Variants in PLCL1 observed in about 807,000 individuals in gnomAD.
PLCL1 encodes the protein phospholipase C like 1 (inactive).
A neutral mutation model predicts 84.4 loss-of-function variants in PLCL1; 41 were observed. The ratio of observed to expected loss-of-function variants is 0.49; its 90% CI spans 0.38 to 0.63. The LOEUF (loss-of-function observed/expected upper bound fraction) is 0.63. Ranked by LOEUF, PLCL1 falls within the 30% of genes least tolerant of loss-of-function variation. The pLI is 0.00. For synonymous variants in PLCL1, 490 were observed against 488.3 expected (o/e 1.00, Z -0.05); for missense variants, 1,206 against 1,367.8 (o/e 0.88, Z 1.87).
chr2:198,070,030 G>A (rs1340131742), intron 1 of PLCL1, among the ~76,000 whole-genome samples: 1 of 152,132 alleles, frequency 6.6e-6, no homozygotes, highest in African/African-American at 2.4e-5. Flanking sequence ...CAAATTTGTA[G>A]TTACATATCT....
intron 1 of PLCL1, among the ~76,000 whole-genome samples, chr2:197,955,223 T>A (rs1173990611): frequency 6.6e-6 from 1 of 151,914 alleles, no homozygotes; most frequent in Non-Finnish European, 1.5e-5. Flanking sequence ...ATCAGATAGA[T>A]CAAACCCAGA....
At chr2:197,861,309 C>G (rs1687430593) in intron 1 of PLCL1, among the ~76,000 whole-genome samples, 1 of 152,158 alleles carries the variant, frequency 6.6e-6, no homozygotes, top group Admixed American at 6.5e-5. Context: ...GGATAAGCTT[C>G]CAGATAGCTG....
At chr2:197,806,865 T>A (rs916171997) in intron 1 of PLCL1, among the ~76,000 whole-genome samples, 3 of 152,128 alleles carry the variant, frequency 2.0e-5, no homozygotes, top group Admixed American at 2.0e-4. Context: ...AAAACAAAAG[T>A]AATGGAGTAT....
intron 1 of PLCL1, among the ~76,000 whole-genome samples, chr2:198,076,069 T>C (rs1692570241): frequency 1.3e-5 from 2 of 152,208 alleles, no homozygotes; most frequent in Admixed American, 1.3e-4. Flanking sequence ...TCTTAATGAG[T>C]TCTAATGAGC....
chr2:198,014,187 G>A (rs1690937102), intron 1 of PLCL1, among the ~76,000 whole-genome samples: 1 of 152,142 alleles, frequency 6.6e-6, no homozygotes, highest in African/African-American at 2.4e-5. Context: ...ATGAGGACAT[G>A]CTCTGCCTTA....
intron 1 of PLCL1, among the ~76,000 whole-genome samples, chr2:197,897,450 A>G (rs1034698590): frequency 6.6e-6 from 1 of 152,100 alleles, no homozygotes; most frequent in Non-Finnish European, 1.5e-5. Context: ...TACCTGCTCT[A>G]CCAACTAATA....
intron 5 of PLCL1, among the ~76,000 whole-genome samples, chr2:198,133,821 ATG>A (rs1395986788): frequency 6.6e-6 from 1 of 152,142 alleles, no homozygotes. Flanking sequence ...CTAGTAATTA[ATG>A]TGTGTTTGGA....
chr2:198,119,007 T>G (rs909924049), intron 5 of PLCL1, among the ~76,000 whole-genome samples: 4 of 152,018 alleles, frequency 2.6e-5, no homozygotes, highest in Non-Finnish European at 1.5e-5. Context: ...CTATTGTTAT[T>G]TGTGTATTGA....
chr2:197,897,632 C>T (rs1482438622), intron 1 of PLCL1, among the ~76,000 whole-genome samples: 1 of 152,008 alleles, frequency 6.6e-6, no homozygotes, highest in Non-Finnish European at 1.5e-5. Context: ...TGTTAATGAA[C>T]ATTTTTAATG....
Position 197,805,014 on chromosome 2 carries a change from G to T in PLCL1, c.-86G>T. ...ACAAAGTCTGGCGGGGCCGCCTCCC[G>T]GTGCAGGAGCGCACCGGTGCCTAGC... On this transcript the variant is annotated 5_prime_UTR_variant, in exon 1 of 6. Coordinates refer to ENST00000428675, the MANE Select transcript of PLCL1 (RefSeq NM_006226.4). The surrounding 1 kb of genome is among the most constrained non-coding windows in gnomAD (Gnocchi z 4.0). 7.3e-7 allele frequency: 1 copy of T among 1,364,910 alleles called. No individual in the cohort carries two copies. The highest frequency in any genetic ancestry group is 9.5e-7 in the Non-Finnish European group (1 of 1,055,860). 84.5% of individuals were successfully genotyped at this position (1,364,910 alleles called of 1,614,324 possible).
intron 1 of PLCL1, among the ~76,000 whole-genome samples, chr2:197,847,530 C>A (rs1329427952): frequency 1.3e-5 from 2 of 152,108 alleles, no homozygotes; most frequent in Non-Finnish European, 2.9e-5. Context: ...TTTTTCCAAG[C>A]AGACTCTGAA....
chr2:198,072,544 G>A (rs139167702), intron 1 of PLCL1, among the ~76,000 whole-genome samples: 109 of 151,590 alleles, frequency 7.2e-4, no homozygotes, highest in African/African-American at 2.4e-3. Flanking sequence ...GGGCTTTTTT[G>A]TTTTGTTTGC....
chr2:197,819,987 C>T (rs537906111), intron 1 of PLCL1, among the ~76,000 whole-genome samples: 2 of 151,448 alleles, frequency 1.3e-5, no homozygotes, highest in East Asian at 1.9e-4. Context: ...AAACCTGCAA[C>T]CTGAAAAAAC....
intron 1 of PLCL1, among the ~76,000 whole-genome samples, chr2:197,990,855 A>C (rs1449199556): frequency 6.6e-6 from 1 of 152,242 alleles, no homozygotes; most frequent in Non-Finnish European, 1.5e-5. Flanking sequence ...TAGAGTCTGG[A>C]TAAAACTCAT....
intron 1 of PLCL1, among the ~76,000 whole-genome samples, chr2:198,034,750 A>G (rs1353370948): frequency 4.6e-5 from 7 of 152,064 alleles, no homozygotes; most frequent in Admixed American, 4.6e-4. Context: ...AAGGGCAAAA[A>G]CCAATTTTTG....
Position 198,143,297 on chromosome 2 carries a change from G to A in PLCL1, c.3106-3483G>A, listed in dbSNP as rs78208454. Among the ~76,000 whole-genome samples, 1,115 of 152,220 alleles carry A rather than the reference G, an allele frequency of 7.3e-3. 23 individuals are homozygous for A. The highest frequency in any genetic ancestry group is 0.073 in the East Asian group (376 of 5,158). The stretch of plus-strand genomic sequence containing the variant: ...TTCACAATAGGGTTCACACTCCTGA[G>A]AATCTAATGTCGCTGCTGATGTGAC... On this transcript the variant is annotated intron_variant, in intron 5 of 5. Coordinates refer to ENST00000428675, the MANE Select transcript of PLCL1 (RefSeq NM_006226.4).
intron 1 of PLCL1, among the ~76,000 whole-genome samples, chr2:197,861,654 A>C (rs541252111): frequency 6.6e-6 from 1 of 152,126 alleles, no homozygotes; most frequent in Non-Finnish European, 1.5e-5. Flanking sequence ...TGAGACTTCA[A>C]CCTGTGGGAT....
At chr2:197,899,770 G>C (rs2105735232) in intron 1 of PLCL1, among the ~76,000 whole-genome samples, 1 of 151,306 alleles carries the variant, frequency 6.6e-6, no homozygotes, top group Admixed American at 6.6e-5. Context: ...CGAGTAGCTG[G>C]GACTACAGGC....
At chr2:197,992,018 G>C (rs1055455164) in intron 1 of PLCL1, among the ~76,000 whole-genome samples, 4 of 151,818 alleles carry the variant, frequency 2.6e-5, no homozygotes, top group Non-Finnish European at 5.9e-5. Flanking sequence ...TTTTGATGAG[G>C]CCCCTTGCTT....
Sources: gnomAD v4.1 joint callset for allele counts (sites outside exome capture counted in the v4.1 genomes callset) on GRCh38, gnomAD v4.1.1 for gene constraint, Gnocchi (gnomAD v3.1) non-coding constraint, MANE v1.5 for transcripts, NCBI Gene and HGNC (gene_info 2026-07-23, HGNC 2026-07-21) for gene names.